ARHGEF4: variants seen among roughly 807,000 people sequenced by gnomAD.
ARHGEF4 encodes Rho guanine nucleotide exchange factor 4.
A neutral mutation model predicts 162.0 loss-of-function variants in ARHGEF4; 119 were observed. The ratio of observed to expected loss-of-function variants is 0.73; its 90% confidence interval spans 0.63 to 0.86. The LOEUF is 0.86. ARHGEF4 is among the 40% of genes least tolerant of loss of function. The probability of loss-of-function intolerance (pLI) is 0.00; values close to 1 mark genes in which losing one functional copy is unlikely to be tolerated. For missense variants in ARHGEF4, 2,488 were observed against 2,456.0 expected (o/e 1.01, Z -0.28); for synonymous variants, 1,014 against 979.9 (o/e 1.03, Z -0.65).
intron 5 of ARHGEF4, among the ~76,000 whole-genome samples, chr2:131,032,822 C>CTTTCTTTTTTCT (rs147377133): frequency 8.4e-5 from 12 of 142,100 alleles, no homozygotes; most frequent in African/African-American, 2.6e-4. Flanking sequence ...TGCCTTCAAG[C>CTTTCTTTTTTCT]TTTCTTTTCT....
Position 130,988,901 on chromosome 2 carries a change from T to TAGAGAGAG in ARHGEF4, c.3986-39016_3986-39009dup, listed in dbSNP as rs368452142. On this transcript the variant is annotated intron_variant, in intron 4 of 13. Transcript: ENST00000409359. ...ATATATATATATATATATATATATA[T>TAGAGAGAG]AGAGAGAGAGAGAGAGAGAGAGAGA... 4.8e-3 allele frequency among the ~76,000 whole-genome samples: 540 copies of TAGAGAGAG among 113,322 alleles called. 2 individuals carry two copies. Among genetic ancestry groups the TAGAGAGAG allele is most frequent in the South Asian group, 0.01 (30 of 2,866 alleles). 74.3% of individuals were successfully genotyped at this position (113,322 alleles called of 152,430 possible). A position where few individuals can be genotyped will look rare whatever the true frequency, so the allele number is the denominator to read the frequency against.
At chr2:130,880,410 A>T (rs1221784451) in intron 1 of ARHGEF4, among the ~76,000 whole-genome samples, 1 of 152,170 alleles carries the variant, frequency 6.6e-6, no homozygotes, top group Non-Finnish European at 1.5e-5. Flanking sequence ...GTTAACTAAT[A>T]ATAGAAGGAG....
At chr2:131,041,691 G>A in intron 9 of ARHGEF4, 124 bp from the exon 10 acceptor site, 1 of 1,352,444 alleles carries the variant, frequency 7.4e-7, no homozygotes, top group Non-Finnish European at 1.0e-6. Flanking sequence ...GCATCTGATA[G>A]TGAGGATGTG....
chr2:130,869,376 G>A (rs534687218), intron 1 of ARHGEF4, among the ~76,000 whole-genome samples: 80 of 152,308 alleles, frequency 5.3e-4, no homozygotes, highest in Non-Finnish European at 1.0e-3. Flanking sequence ...GGTGAGGGAG[G>A]AAGTCTCGCA....
At chr2:130,948,319 C>G (rs942638554) in intron 4 of ARHGEF4, among the ~76,000 whole-genome samples, 6 of 152,188 alleles carry the variant, frequency 3.9e-5, no homozygotes, top group African/African-American at 1.4e-4. Flanking sequence ...GAGTTTTATT[C>G]TTTCCCACAT....
At chr2:130,934,485 G>A (rs1682824823) in intron 3 of ARHGEF4, among the ~76,000 whole-genome samples, 1 of 152,064 alleles carries the variant, frequency 6.6e-6, no homozygotes, top group Non-Finnish European at 1.5e-5. Flanking sequence ...TTTAGTGTCA[G>A]GTTGGTGAAA....
At chr2:130,992,241 T>C (rs1687047680) in intron 4 of ARHGEF4, among the ~76,000 whole-genome samples, 1 of 152,150 alleles carries the variant, frequency 6.6e-6, no homozygotes, top group Admixed American at 6.5e-5. Context: ...TGGGGCCAGA[T>C]AAGAGAATAA....
intron 6 of ARHGEF4, chr2:131,039,349 G>T: frequency 8.7e-7 from 1 of 1,143,952 alleles, no homozygotes; most frequent in East Asian, 5.2e-5. Flanking sequence ...GCACTGATAG[G>T]GGACTGCTCA....
At position 130,915,644 on chromosome 2, in the gene ARHGEF4, G is replaced by A; in HGVS notation, c.1698G>A (p.Lys566=). The part of the protein sequence containing the change: ...TQKSSAIDTS[K]AAEEAMVLDP... The stretch of plus-strand genomic sequence containing the variant: ...AATCAAGCGCAATAGACACTTCAAA[G>A]GCAGCCGAAGAAGCCATGGTTCTAG... Residue 566 remains lysine, a synonymous_variant, in exon 2 of 14, where the codon AAG becomes AAA. Transcript: ENST00000409359. 1.3e-6 allele frequency: 2 copies of A among 1,550,480 alleles called. No homozygotes were observed. The highest frequency in any genetic ancestry group is 1.7e-6 in the Non-Finnish European group (2 of 1,146,988).
At chr2:130,999,160 C>A (rs555663301) in intron 4 of ARHGEF4, among the ~76,000 whole-genome samples, 1 of 135,950 alleles carries the variant, frequency 7.4e-6, no homozygotes, top group East Asian at 2.1e-4. Context: ...TTTGTTTTTT[C>A]TTTTTTTTTT....
At chr2:130,989,529 C>CT (rs1412848320) in intron 4 of ARHGEF4, among the ~76,000 whole-genome samples, 2 of 152,158 alleles carry the variant, frequency 1.3e-5, no homozygotes, top group Non-Finnish European at 2.9e-5. Context: ...TTGCACATGA[C>CT]TATGACTTTG....
At chr2:130,871,160 C>T (rs1468594365) in intron 1 of ARHGEF4, among the ~76,000 whole-genome samples, 3 of 152,314 alleles carry the variant, frequency 2.0e-5, no homozygotes, top group East Asian at 3.9e-4. Context: ...GCTCTCTCAA[C>T]CCCACAATGG....
Position 131,001,645 on chromosome 2 carries a change from A to G in ARHGEF4, c.3986-26300A>G, listed in dbSNP as rs147403468. On this transcript the variant is annotated intron_variant, in intron 4 of 13. Transcript: ENST00000409359. The stretch of plus-strand genomic sequence containing the variant: ...CTAGTAAAGTCGAACATGATTCTCT[A>G]TGTATCCTAGATAAACTCTTCCATG... 4.9e-3 allele frequency among the ~76,000 whole-genome samples: 748 copies of G among 152,260 alleles called. 12 individuals are homozygous for G. The highest frequency in any genetic ancestry group is 0.017 in the African/African-American group (709 of 41,546).
At chr2:130,947,937 A>C (rs1225501463) in intron 4 of ARHGEF4, among the ~76,000 whole-genome samples, 1 of 152,228 alleles carries the variant, frequency 6.6e-6, no homozygotes, top group African/African-American at 2.4e-5. Context: ...AAGAAAGATG[A>C]ACAAGGGTAA....
chr2:130,873,093 A>C (rs778380697), intron 1 of ARHGEF4, among the ~76,000 whole-genome samples: 1 of 152,188 alleles, frequency 6.6e-6, no homozygotes, highest in Non-Finnish European at 1.5e-5. Context: ...ATGGGCACAC[A>C]CAGGCTCTGG....
At chr2:131,004,672 G>A (rs978601150) in intron 4 of ARHGEF4, among the ~76,000 whole-genome samples, 3 of 151,864 alleles carry the variant, frequency 2.0e-5, no homozygotes, top group African/African-American at 7.3e-5. Context: ...CTCTTTCTAG[G>A]GTGTGGTGTC....
chr2:131,035,065 G>A (rs12989811), intron 5 of ARHGEF4: 5 of 1,007,786 alleles, frequency 5.0e-6, no homozygotes, highest in Non-Finnish European at 5.9e-6. Context: ...GGATCTCGGG[G>A]CCGCACGGAG....
At chr2:130,977,438 G>A (rs1462210967) in intron 4 of ARHGEF4, among the ~76,000 whole-genome samples, 1 of 151,698 alleles carries the variant, frequency 6.6e-6, no homozygotes, top group Non-Finnish European at 1.5e-5. Context: ...TTTCTATGTG[G>A]TGTATGTTGC....
At position 131,038,986 on chromosome 2, in the gene ARHGEF4, G is replaced by A. The variant is rs1391008412; in HGVS notation, c.4259G>A (p.Gly1420Asp). 1 of 1,613,596 alleles carries A rather than the reference G, an allele frequency of 6.2e-7. No homozygotes were observed. The highest frequency in any genetic ancestry group is 8.5e-7 in the Non-Finnish European group (1 of 1,179,944). ...MDATNREWWW[G>D]RVADGEGWFP... ...GCCACCAACAGAGAGTGGTGGTGGG[G>A]CCGGGTCGCCGATGGCGAGGGCTGG... The change falls in exon 6 of 14, where the codon GGC becomes GAC. Residue 1420 changes from glycine (G) to aspartate (D), a missense_variant. This residue lies in a region of ARHGEF4 where 174 missense variants were observed against 148.3 expected (regional missense o/e 1.17). Coordinates refer to ENST00000409359, the MANE Select transcript of ARHGEF4 (RefSeq NM_001367493.1).
Sources: gnomAD v4.1 joint callset for allele counts (sites outside exome capture counted in the v4.1 genomes callset) on GRCh38, gnomAD v4.1.1 for gene constraint, gnomAD v4.1.1 regional missense constraint, MANE v1.5 for transcripts, NCBI Gene and HGNC (gene_info 2026-07-23, HGNC 2026-07-21) for gene names.